NCOR2: variants seen among roughly 807,000 people sequenced by gnomAD.
NCOR2 encodes nuclear receptor corepressor 2.
In NCOR2, 81 loss-of-function variants were observed where a neutral mutation model predicts 262.9. The ratio of observed to expected loss-of-function variants is 0.31; its 90% CI spans 0.26 to 0.37. The LOEUF (loss-of-function observed/expected upper bound fraction) is 0.37. Ranked by LOEUF, NCOR2 falls within the 10% of genes least tolerant of loss-of-function variation. The pLI, the probability that NCOR2 is intolerant of heterozygous loss-of-function variation, is 1.00. For synonymous variants in NCOR2, 1,659 were observed against 1,559.3 expected, an observed-to-expected ratio of 1.06 and a Z score of -1.51; for missense variants, 3,385 against 3,621.4, an observed-to-expected ratio of 0.93 and a Z score of 1.68.
chr12:124,335,411 A>G lies in NCOR2; in HGVS notation c.6265+72T>C, dbSNP rs186634829. The G allele has an allele frequency of 4.5e-4, 698 of 1,540,808 alleles. 2 individuals are homozygous for G. In the African/African-American group the frequency reaches 8.5e-3, roughly 19 times the overall value. ...GGCCTTTAGGCACCTCTGTTTTCCTATCTGCATGATGGGGCCTTGAGGGTC... is the reference window on the plus strand; with the variant it reads ...GGCCTTTAGGCACCTCTGTTTTCCTGTCTGCATGATGGGGCCTTGAGGGTC... On this transcript the variant is annotated intron_variant, in intron 39 of 46. Transcript: ENST00000405201.
At chr12:124,494,624 C>T (rs538347744) in intron 1 of NCOR2, among the ~76,000 whole-genome samples, 41 of 152,338 alleles carry the variant, frequency 2.7e-4, no homozygotes, top group African/African-American at 9.9e-4. Context: ...ACAGCCAGCA[C>T]CCTGGACCCT....
chr12:124,493,760 G>A (rs1199191826), intron 1 of NCOR2, among the ~76,000 whole-genome samples: 1 of 152,210 alleles, frequency 6.6e-6, no homozygotes, highest in South Asian at 2.1e-4. Flanking sequence ...CCCACTGGGA[G>A]TCTATTCCTT....
chr12:124,431,449 C>G (rs28970589), intron 8 of NCOR2, among the ~76,000 whole-genome samples: 3 of 149,946 alleles, frequency 2.0e-5, no homozygotes, highest in African/African-American at 7.4e-5. Flanking sequence ...GGCAGACAGA[C>G]AGTCATATAG....
intron 45 of NCOR2, 108 bp downstream of exon 47, chr12:124,327,301 C>T: frequency 1.1e-6 from 1 of 929,596 alleles, no homozygotes; most frequent in Non-Finnish European, 1.6e-6. Context: ...AATAAAGTCA[C>T]AAGCTCCAAA....
At chr12:124,484,767 C>G (rs1337673330) in intron 2 of NCOR2, among the ~76,000 whole-genome samples, 3 of 152,226 alleles carry the variant, frequency 2.0e-5, no homozygotes, top group Non-Finnish European at 4.4e-5. Flanking sequence ...CTCTCCACTG[C>G]CCTCCCACGC....
intron 3 of NCOR2, among the ~76,000 whole-genome samples, chr12:124,479,245 CACACACGCACACACAA>C (rs1262667461): frequency 1.3e-5 from 2 of 150,208 alleles, no homozygotes; most frequent in Non-Finnish European, 2.9e-5. Context: ...TGCACATGCA[CACACACGCACACACAA>C]ACACACGCAC....
At chr12:124,355,689 C>A in intron 23 of NCOR2, 118 bp from the exon 26 acceptor site, 6 of 1,353,158 alleles carry the variant, frequency 4.4e-6, no homozygotes, top group Non-Finnish European at 5.8e-6. Flanking sequence ...CCCATCCATG[C>A]GCACTCCTCT....
At chr12:124,485,861 A>G (rs1464238127) in intron 2 of NCOR2, among the ~76,000 whole-genome samples, 2 of 152,158 alleles carry the variant, frequency 1.3e-5, no homozygotes, top group Non-Finnish European at 2.9e-5. Flanking sequence ...TGGGAGAAAG[A>G]ACGTGGCCTA....
chr12:124,503,717 CGAAT>C lies in NCOR2; in HGVS notation c.-117-8353_-117-8350del, dbSNP rs1199199568. 8.2e-5 allele frequency among the ~76,000 whole-genome samples: 11 copies of C among 133,386 alleles called. No homozygotes were observed. Among genetic ancestry groups the C allele is most frequent in the South Asian group, 4.7e-4 (2 of 4,276 alleles). 87.5% of individuals were successfully genotyped at this position (133,386 alleles called of 152,430 possible). ...ATGGATGGATGGATGGATGGACAGA[CGAAT>C]GGATGGATGGATGGACGGATGGATG... On this transcript the variant is annotated intron_variant, in intron 1 of 46. Coordinates refer to the NCOR2 transcript ENST00000404621. This position sits in a 1 kb window ranked among gnomAD's most constrained non-coding sequence, Gnocchi z 4.3.
Position 124,333,883 on chromosome 12 carries a change from T to TGCATGTGTGTGTGTGCGC in NCOR2, c.6605+540_6605+541insGCGCACACACACACATGC, listed in dbSNP as rs1566353432. Among the ~76,000 whole-genome samples, 6 of 93,410 alleles carry TGCATGTGTGTGTGTGCGC rather than the reference T, an allele frequency of 6.4e-5. 1 individual carries two copies. The highest frequency in any genetic ancestry group is 5.3e-3 in the Middle Eastern group (1 of 188). 61.3% of individuals were successfully genotyped at this position (93,410 alleles called of 152,430 possible). A position where few individuals can be genotyped will look rare whatever the true frequency, so the allele number is the denominator to read the frequency against. On this transcript the variant is annotated intron_variant, in intron 41 of 46. Coordinates refer to ENST00000405201, the Ensembl canonical transcript of NCOR2. ...GTGTGTGTGCGCATGTGTGCGGGTGTGCATGTGTGTGTGCGCGCGCATGTG... is the reference window on the plus strand; with the variant it reads ...GTGTGTGTGCGCATGTGTGCGGGTGTGCATGTGTGTGTGTGCGCGCATGTGTGTGTGCGCGCGCATGTG...
intron 13 of NCOR2, among the ~76,000 whole-genome samples, chr12:124,410,063 C>T (rs569983135): frequency 6.6e-6 from 1 of 151,496 alleles, no homozygotes; most frequent in South Asian, 2.1e-4. Context: ...CCCCCAGGGA[C>T]AACCTGCCGC....
chr12:124,540,051 C>T (rs1263003369), upstream of NCOR2, among the ~76,000 whole-genome samples: 2 of 152,064 alleles, frequency 1.3e-5, no homozygotes, highest in African/African-American at 4.8e-5. Flanking sequence ...CTGTTACCTG[C>T]CAGGTACAGG....
In NCOR2 at chr12:124,405,340, G is replaced by A. The variant is rs187700531; in HGVS notation, c.1483-2779C>T. 8.5e-5 allele frequency among the ~76,000 whole-genome samples: 13 copies of A among 152,358 alleles called. No homozygotes were observed. In the East Asian group the frequency reaches 2.5e-3, roughly 29 times the overall value. On this transcript the variant is annotated intron_variant, in intron 13 of 46. Transcript: ENST00000405201. ...CTTGCCGCCTCCTCTTCCCTGACAT[G>A]TTAACAAGCCCCCAGGGCAGGGGTG...
chr12:124,400,060 G>A (rs557604890), intron 15 of NCOR2, among the ~76,000 whole-genome samples: 139 of 152,238 alleles, frequency 9.1e-4, no homozygotes, highest in Non-Finnish European at 1.6e-3. Context: ...CCACCTCATG[G>A]GAACCTGGGC....
chr12:124,402,849 A>G (rs1345192223), intron 13 of NCOR2, among the ~76,000 whole-genome samples: 3 of 152,290 alleles, frequency 2.0e-5, no homozygotes, highest in East Asian at 3.9e-4. Context: ...CCCTTTCCAC[A>G]CAGTGGCTGT....
At chr12:124,435,292 C>T (rs1023285961) in intron 8 of NCOR2, among the ~76,000 whole-genome samples, 18 of 152,218 alleles carry the variant, frequency 1.2e-4, no homozygotes, top group South Asian at 2.1e-4. Flanking sequence ...CACCCAGCAG[C>T]CCTGTGTGGG....
chr12:124,520,268 T>C (rs1158546838), intron 1 of NCOR2, among the ~76,000 whole-genome samples: 2 of 152,140 alleles, frequency 1.3e-5, no homozygotes, highest in Non-Finnish European at 2.9e-5. Context: ...ACGGGCATAT[T>C]TTTAGCCCAA....
In NCOR2 at chr12:124,503,191, T is replaced by C. The variant is rs888337579; in HGVS notation, c.-117-7823A>G. 6.6e-6 allele frequency among the ~76,000 whole-genome samples: 1 copy of C among 152,236 alleles called. No homozygotes were observed. The highest frequency in any genetic ancestry group is 2.4e-5 in the African/African-American group (1 of 41,464). On this transcript the variant is annotated intron_variant, in intron 1 of 46. Transcript: ENST00000404621. The surrounding 1 kb of genome is among the most constrained non-coding windows in gnomAD (Gnocchi z 4.3). ...ATTAGAGAATTATTTCAGCATCTGT[T>C]ATGTGCAAACACTGTACAAGCACAG...
chr12:124,459,138 C>CTA (rs1391504103), intron 5 of NCOR2, among the ~76,000 whole-genome samples: 1 of 152,094 alleles, frequency 6.6e-6, no homozygotes, highest in Non-Finnish European at 1.5e-5. Flanking sequence ...AACAGGAGGG[C>CTA]TATATAGGCT....
Sources: gnomAD v4.1 joint callset for allele counts (sites outside exome capture counted in the v4.1 genomes callset) on GRCh38, gnomAD v4.1.1 for gene constraint, Gnocchi (gnomAD v3.1) non-coding constraint, MANE v1.5 for transcripts, NCBI Gene and HGNC (gene_info 2026-07-23, HGNC 2026-07-21) for gene names.